Variants in ATRN observed in about 807,000 individuals in gnomAD.
ATRN encodes the protein attractin-2.
In ATRN, 54 loss-of-function variants were observed where a neutral mutation model predicts 178.7. The observed-to-expected ratio is 0.30, with a 90% CI of 0.24 to 0.38. The LOEUF (loss-of-function observed/expected upper bound fraction) is 0.38. Among genes scored for constraint, ATRN ranks in the 10% least tolerant of loss-of-function variants. The probability of loss-of-function intolerance (pLI) is 1.00; values close to 1 mark genes in which losing one functional copy is unlikely to be tolerated. For synonymous variants in ATRN, 636 were observed against 663.0 expected, an observed-to-expected ratio of 0.96 and a Z score of 0.63; for missense variants, 1,443 against 1,815.1, an observed-to-expected ratio of 0.79 and a Z score of 3.73.
At chr20:3,481,084 T>C (rs975883151) in intron 1 of ATRN, among the ~76,000 whole-genome samples, 2 of 152,194 alleles carry the variant, frequency 1.3e-5, no homozygotes, top group African/African-American at 4.8e-5. Context: ...ATCTATATAC[T>C]ATATACTGTT....
At chr20:3,615,560 T>TTA (rs1386635807) in intron 24 of ATRN, among the ~76,000 whole-genome samples, 1 of 142,802 alleles carries the variant, frequency 7.0e-6, no homozygotes, top group East Asian at 2.0e-4. Flanking sequence ...CTTTTTTCTT[T>TTA]TTTTTTTTTT....
intron 19 of ATRN, 28 bp downstream of exon 19, chr20:3,591,334 T>C (rs769652850): frequency 1.2e-6 from 2 of 1,607,596 alleles, no homozygotes; most frequent in Non-Finnish European, 8.5e-7. Context: ...GGTTTACTCA[T>C]GGCAAATCGG....
chr20:3,646,116 A>G (rs2087106104), intron 28 of ATRN, among the ~76,000 whole-genome samples: 1 of 152,132 alleles, frequency 6.6e-6, no homozygotes, highest in South Asian at 2.1e-4. Flanking sequence ...CTGTACTACT[A>G]TTATCCCCAT....
chr20:3,627,508 T>TA (rs529916110), intron 25 of ATRN, among the ~76,000 whole-genome samples: 57 of 152,328 alleles, frequency 3.7e-4, no homozygotes, highest in Admixed American at 9.8e-4. Flanking sequence ...GAGAGGATCT[T>TA]AAAAACTGTC....
chr20:3,473,034 A>C (rs774827779), intron 1 of ATRN, among the ~76,000 whole-genome samples: 1 of 152,218 alleles, frequency 6.6e-6, no homozygotes, highest in African/African-American at 2.4e-5. Flanking sequence ...CTTCAGGACC[A>C]CTGATGCAGT....
At chr20:3,581,375 A>G (rs920134932) in intron 15 of ATRN, among the ~76,000 whole-genome samples, 2 of 152,226 alleles carry the variant, frequency 1.3e-5, no homozygotes, top group Non-Finnish European at 2.9e-5. Context: ...AAAAATTGCA[A>G]TGAGAAGGAA....
At chr20:3,603,828 G>A (rs1044735995) in intron 23 of ATRN, among the ~76,000 whole-genome samples, 6 of 152,120 alleles carry the variant, frequency 3.9e-5, no homozygotes, top group African/African-American at 1.4e-4. Flanking sequence ...TTGTATATCA[G>A]CCTGCCCAGC....
intron 1 of ATRN, among the ~76,000 whole-genome samples, chr20:3,519,705 A>G (rs2085261946): frequency 6.6e-6 from 1 of 152,224 alleles, no homozygotes; most frequent in African/African-American, 2.4e-5. Flanking sequence ...CTGTGTAACC[A>G]GAAACTATCT....
intron 28 of ATRN, among the ~76,000 whole-genome samples, chr20:3,646,375 A>G (rs775606493): frequency 3.9e-5 from 6 of 152,192 alleles, no homozygotes; most frequent in Non-Finnish European, 7.3e-5. Flanking sequence ...CCCACCACCA[A>G]GCAGAGCACT....
chr20:3,549,027 CAAATT>C (rs1196139506), intron 5 of ATRN, 138 bp from the exon 6 acceptor site: 6 of 708,930 alleles, frequency 8.5e-6, no homozygotes, highest in Admixed American at 4.0e-5. Context: ...ATTAAAATAA[CAAATT>C]AAAGGATTTG....
chr20:3,503,136 A>G (rs2084986908), intron 1 of ATRN, among the ~76,000 whole-genome samples: 1 of 152,126 alleles, frequency 6.6e-6, no homozygotes, highest in Admixed American at 6.5e-5. Flanking sequence ...CACTAGATAA[A>G]CAAAGCAGGC....
intron 24 of ATRN, among the ~76,000 whole-genome samples, chr20:3,612,409 G>C (rs1429494891): frequency 6.6e-6 from 1 of 152,178 alleles, no homozygotes; most frequent in East Asian, 1.9e-4. Context: ...TCTAGACCCT[G>C]TTTTAAAGGA....
chr20:3,583,865 G>T (rs754702074), intron 16 of ATRN, 33 bp from the exon 17 acceptor site: 2 of 1,596,142 alleles, frequency 1.3e-6, no homozygotes, highest in South Asian at 1.1e-5. Context: ...CATGGTGGGA[G>T]CTCTAAGTGT....
At chr20:3,524,388 A>G (rs151540) in intron 1 of ATRN, among the ~76,000 whole-genome samples, 39,766 of 152,136 alleles carry the variant, frequency 0.26, 5,712 homozygotes, top group African/African-American at 0.31. Context: ...ATATGCACCC[A>G]ATACAGGAGC....
chr20:3,538,184 T>C (rs2085567482), intron 2 of ATRN, among the ~76,000 whole-genome samples: 1 of 149,944 alleles, frequency 6.7e-6, no homozygotes, highest in African/African-American at 2.4e-5. Flanking sequence ...TTAATAACAT[T>C]AGAAGTTTTT....
chr20:3,538,430 G>A (rs896448596), intron 2 of ATRN, among the ~76,000 whole-genome samples: 2 of 151,942 alleles, frequency 1.3e-5, no homozygotes, highest in African/African-American at 4.8e-5. Context: ...GACCTCCTGG[G>A]ACCTCCCATA....
intron 1 of ATRN, among the ~76,000 whole-genome samples, chr20:3,486,378 T>C (rs899506691): frequency 7.1e-6 from 1 of 141,250 alleles, no homozygotes; most frequent in Non-Finnish European, 1.6e-5. Context: ...TGGTTGTTTT[T>C]CTTTTCCTTT....
At chr20:3,507,894 G>A (rs1398765332) in intron 1 of ATRN, among the ~76,000 whole-genome samples, 1 of 151,624 alleles carries the variant, frequency 6.6e-6, no homozygotes, top group Non-Finnish European at 1.5e-5. Flanking sequence ...TTAGCGAAAC[G>A]GGGTTTCACC....
At chr20:3,548,664 A>G (rs184892762) in intron 5 of ATRN, among the ~76,000 whole-genome samples, 54 of 152,226 alleles carry the variant, frequency 3.5e-4, no homozygotes, top group Admixed American at 2.3e-3. Context: ...AACCATTTAC[A>G]TAGCATTTAC....
Sources: allele counts gnomAD v4.1 joint callset (sites outside exome capture counted in the v4.1 genomes callset), GRCh38; gene constraint gnomAD v4.1.1; transcripts MANE v1.5; gene names NCBI Gene and HGNC (gene_info 2026-07-23, HGNC 2026-07-21).